The following QTMAN variants were observed in gnomAD, a reference collection of about 807,000 sequenced individuals.
The protein encoded by QTMAN is queuosine-tRNA mannosyltransferase, also known as tRNA-queuosine alpha-mannosyltransferase.
chr2:144,135,966 G>C, the QTMAN span, among the ~76,000 whole-genome samples: 1 of 152,088 alleles, frequency 6.6e-6, no homozygotes, highest in East Asian at 1.9e-4. Context: ...ACAGAGCATA[G>C]AGTAATAATC....
At chr2:144,243,666 CAAT>C in the QTMAN span, among the ~76,000 whole-genome samples, 2 of 152,248 alleles carry the variant, frequency 1.3e-5, no homozygotes, top group Non-Finnish European at 2.9e-5. Context: ...AAAATTAAAA[CAAT>C]GATATCAAAA....
the QTMAN span, among the ~76,000 whole-genome samples, chr2:144,302,502 TAGAC>T: frequency 4.6e-5 from 7 of 152,212 alleles, no homozygotes; most frequent in East Asian, 5.8e-4. Flanking sequence ...GCATGATACT[TAGAC>T]AGTGCACTCG....
chr2:144,024,400 C>G, the QTMAN span, among the ~76,000 whole-genome samples: 1 of 152,158 alleles, frequency 6.6e-6, no homozygotes, highest in African/African-American at 2.4e-5. Context: ...TATGTATACA[C>G]TATTCTATGC....
At chr2:144,258,221 C>CAA in the QTMAN span, among the ~76,000 whole-genome samples, 10 of 104,912 alleles carry the variant, frequency 9.5e-5, no homozygotes, top group African/African-American at 1.9e-4. Flanking sequence ...AACATTCTTG[C>CAA]AAAAAAAAAA....
At chr2:143,952,615 C>A in the QTMAN span, among the ~76,000 whole-genome samples, 1 of 151,692 alleles carries the variant, frequency 6.6e-6, no homozygotes, top group South Asian at 2.1e-4. Flanking sequence ...TATAAGCTTA[C>A]TCTAATGTAT....
At chr2:144,126,488 A>C in the QTMAN span, among the ~76,000 whole-genome samples, 4 of 151,980 alleles carry the variant, frequency 2.6e-5, no homozygotes, top group African/African-American at 9.7e-5. Flanking sequence ...CTTTTACTTA[A>C]GGCAGAAAAA....
the QTMAN span, among the ~76,000 whole-genome samples, chr2:144,148,301 T>G: frequency 6.6e-6 from 1 of 151,764 alleles, no homozygotes; most frequent in Non-Finnish European, 1.5e-5. Flanking sequence ...AATATGTATA[T>G]ATTTACAGAG....
the QTMAN span, among the ~76,000 whole-genome samples, chr2:144,100,144 C>G: frequency 7.9e-5 from 12 of 152,312 alleles, no homozygotes; most frequent in South Asian, 2.5e-3. Context: ...CACATAATAA[C>G]TGGCAATCAC....
the QTMAN span, among the ~76,000 whole-genome samples, chr2:144,143,874 A>C: frequency 6.6e-6 from 1 of 152,060 alleles, no homozygotes; most frequent in East Asian, 1.9e-4. Flanking sequence ...TCCAGAAAGA[A>C]ATCTGACAGT....
the QTMAN span, chr2:144,006,688 T>C: frequency 6.5e-6 from 1 of 152,686 alleles, no homozygotes; most frequent in South Asian, 2.1e-4. Flanking sequence ...TACAGAGGCA[T>C]CTGAGTGAAG....
chr2:144,193,563 T>C, the QTMAN span, among the ~76,000 whole-genome samples: 2 of 151,532 alleles, frequency 1.3e-5, no homozygotes, highest in African/African-American at 4.8e-5. Context: ...CTCTGTCACC[T>C]AGGCTGGAGT....
the QTMAN span, among the ~76,000 whole-genome samples, chr2:144,273,275 CTCTT>C: frequency 2.6e-5 from 4 of 151,990 alleles, no homozygotes; most frequent in Non-Finnish European, 5.9e-5. Flanking sequence ...CAAATGCATT[CTCTT>C]TTTTTTCTAG....
the QTMAN span, among the ~76,000 whole-genome samples, chr2:144,020,882 T>C: frequency 4.5e-5 from 6 of 134,124 alleles, no homozygotes; most frequent in Non-Finnish European, 6.5e-5. Flanking sequence ...CAATAAAGAG[T>C]GCTTGCAATT....
the QTMAN span, among the ~76,000 whole-genome samples, chr2:143,948,824 T>C: frequency 6.6e-6 from 1 of 152,134 alleles, no homozygotes; most frequent in Non-Finnish European, 1.5e-5. Flanking sequence ...GATTCTTTTA[T>C]GATTACTTCT....
At chr2:143,947,621 T>C in the QTMAN span, among the ~76,000 whole-genome samples, 1 of 152,218 alleles carries the variant, frequency 6.6e-6, no homozygotes, top group Non-Finnish European at 1.5e-5. Context: ...TATTTCATTA[T>C]ACCAGTACTT....
the QTMAN span, among the ~76,000 whole-genome samples, chr2:144,209,243 T>C: frequency 1.3e-5 from 2 of 152,358 alleles, no homozygotes; most frequent in African/African-American, 4.8e-5. Flanking sequence ...TCAAGAGTCC[T>C]TCATTTATAA....
the QTMAN span, among the ~76,000 whole-genome samples, chr2:144,255,849 T>C: frequency 6.6e-6 from 1 of 152,220 alleles, no homozygotes; most frequent in Non-Finnish European, 1.5e-5. Flanking sequence ...TTTAGGCCTT[T>C]GGTTGATAAT....
the QTMAN span, among the ~76,000 whole-genome samples, chr2:143,972,119 T>C: frequency 2.6e-5 from 4 of 152,140 alleles, no homozygotes; most frequent in African/African-American, 7.2e-5. Flanking sequence ...ACATGTACCA[T>C]TGGGAAGTTT....
chr2:143,968,024 AT>A, the QTMAN span, among the ~76,000 whole-genome samples: 3 of 152,198 alleles, frequency 2.0e-5, no homozygotes, highest in Non-Finnish European at 4.4e-5. Context: ...GTGATACAGA[AT>A]GGCCTGTTAG....
Sources: gnomAD v4.1 joint callset for allele counts (sites outside exome capture counted in the v4.1 genomes callset) on GRCh38, gnomAD v4.1.1 for gene constraint, MANE v1.5 for transcripts, NCBI Gene and HGNC (gene_info 2026-07-23, HGNC 2026-07-21) for gene names.